IGSF5: variants seen among roughly 807,000 people sequenced by gnomAD.
IGSF5 encodes immunoglobulin superfamily 5 like.
A neutral mutation model predicts 39.4 loss-of-function variants in IGSF5; 41 were observed. That is an observed-to-expected ratio of 1.04 (90% CI 0.81 to 1.35). The LOEUF is 1.35. Ranked by LOEUF, IGSF5 falls within the 40% of genes most tolerant of loss-of-function variation. The pLI, the probability that IGSF5 is intolerant of heterozygous loss-of-function variation, is 0.00. For synonymous variants in IGSF5, 183 were observed against 175.3 expected (o/e 1.04, Z -0.34); for missense variants, 487 against 494.6 (o/e 0.98, Z 0.15).
the IGSF5 span, among the ~76,000 whole-genome samples, chr21:39,711,953 T>C: frequency 5.3e-5 from 8 of 152,256 alleles, no homozygotes; most frequent in African/African-American, 1.7e-4. Flanking sequence ...CAGCTTAATG[T>C]GTAATGAGAC....
chr21:39,779,443 CACACTGTTGGTGGGATGT>C, intron 5 of IGSF5, 138 bp downstream of exon 5: 2 of 1,137,494 alleles, frequency 1.8e-6, no homozygotes, highest in Non-Finnish European at 2.5e-6. Context: ...ACTGTGGTTG[CACACTGTTGGTGGGATGT>C]AAATTGTTAC....
intron 5 of IGSF5, among the ~76,000 whole-genome samples, chr21:39,786,791 A>G (rs1335044880): frequency 1.3e-5 from 2 of 152,240 alleles, no homozygotes; most frequent in Non-Finnish European, 2.9e-5. Context: ...AAAAATGGTG[A>G]GTTCATGTCC....
At chr21:39,722,796 C>T in the IGSF5 span, among the ~76,000 whole-genome samples, 1 of 152,120 alleles carries the variant, frequency 6.6e-6, no homozygotes, top group South Asian at 2.1e-4. Flanking sequence ...ATTTACTTGT[C>T]TGTTTTCTCT....
intron 3 of IGSF5, among the ~76,000 whole-genome samples, chr21:39,768,159 C>A (rs774807352): frequency 6.6e-6 from 1 of 152,156 alleles, no homozygotes; most frequent in Admixed American, 6.5e-5. Context: ...CAAGATATTG[C>A]GAGAGGAACC....
the IGSF5 span, among the ~76,000 whole-genome samples, chr21:39,733,360 A>G: frequency 6.6e-6 from 1 of 152,144 alleles, no homozygotes; most frequent in Non-Finnish European, 1.5e-5. Flanking sequence ...AGGATATAAA[A>G]TTATATATAC....
chr21:39,737,658 A>G, the IGSF5 span, among the ~76,000 whole-genome samples: 4 of 152,212 alleles, frequency 2.6e-5, no homozygotes. Context: ...AGGGGGGCGG[A>G]GCTTCCATGC....
At chr21:39,762,196 C>T (rs188482078) in intron 2 of IGSF5, among the ~76,000 whole-genome samples, 2 of 152,256 alleles carry the variant, frequency 1.3e-5, no homozygotes, top group South Asian at 2.1e-4. Flanking sequence ...AGTCAAACTT[C>T]GTAAAGTGTT....
At chr21:39,755,949 C>CAAAA (rs10624442) in intron 2 of IGSF5, among the ~76,000 whole-genome samples, 116,110 of 149,792 alleles carry the variant, frequency 0.78, 45,591 homozygotes, top group Admixed American at 0.84. Context: ...ACTAAAAATA[C>CAAAA]AAAAAAAATT....
intron 4 of IGSF5, 87 bp from the exon 5 acceptor site, chr21:39,779,003 A>C (rs1316374304): frequency 6.7e-6 from 10 of 1,488,742 alleles, no homozygotes; most frequent in Non-Finnish European, 8.2e-6. Flanking sequence ...TAATATTACT[A>C]GAAAACATAA....
At chr21:39,780,564 T>C (rs951644072) in intron 5 of IGSF5, among the ~76,000 whole-genome samples, 11 of 152,168 alleles carry the variant, frequency 7.2e-5, no homozygotes, top group South Asian at 2.1e-4. Flanking sequence ...CCTTTGTAGG[T>C]GAATGTTAAT....
chr21:39,789,337 A>T (rs534752378), intron 6 of IGSF5, among the ~76,000 whole-genome samples: 4 of 152,334 alleles, frequency 2.6e-5, no homozygotes, highest in East Asian at 3.9e-4. Context: ...GTATATCTTG[A>T]GTGCCTGATG....
intron 3 of IGSF5, among the ~76,000 whole-genome samples, chr21:39,769,049 G>T (rs2080100684): frequency 6.6e-6 from 1 of 152,198 alleles, no homozygotes; most frequent in Non-Finnish European, 1.5e-5. Flanking sequence ...GAATTTTCCA[G>T]ATGACTGAAG....
At chr21:39,728,945 G>A in the IGSF5 span, among the ~76,000 whole-genome samples, 35 of 152,226 alleles carry the variant, frequency 2.3e-4, no homozygotes, top group Admixed American at 5.2e-4. Flanking sequence ...TGCACTATTT[G>A]TGACCCCAAA....
intron 4 of IGSF5, among the ~76,000 whole-genome samples, chr21:39,772,205 T>C (rs1374380603): frequency 6.6e-6 from 1 of 152,224 alleles, no homozygotes; most frequent in African/African-American, 2.4e-5. Context: ...TTGCTGTTAT[T>C]CCTATTGTAA....
the IGSF5 span, among the ~76,000 whole-genome samples, chr21:39,733,472 T>C: frequency 6.6e-6 from 1 of 152,246 alleles, no homozygotes; most frequent in Non-Finnish European, 1.5e-5. Context: ...ATAATAGTTC[T>C]TTAAATAATT....
At chr21:39,775,552 A>G (rs556833247) in intron 4 of IGSF5, among the ~76,000 whole-genome samples, 14 of 152,316 alleles carry the variant, frequency 9.2e-5, no homozygotes, top group African/African-American at 3.4e-4. Flanking sequence ...CATCTGGGAA[A>G]TGCTATTTTC....
At position 39,745,417 on chromosome 21, in the gene IGSF5, C is replaced by T; in HGVS notation, c.-93C>T. On this transcript the variant is annotated 5_prime_UTR_variant, in exon 1 of 9. Transcript: ENST00000380588. ...GAAATGAAAGTCTGAACCATTAGTA[C>T]CTAGGAGGCAGGGATCAGAGGAAGT... 1 of 685,976 alleles carries T rather than the reference C, an allele frequency of 1.5e-6. No individual in the cohort carries two copies. Among genetic ancestry groups the T allele is most frequent in the South Asian group, 1.5e-5 (1 of 64,582 alleles). 42.5% of individuals were successfully genotyped at this position (685,976 alleles called of 1,614,324 possible).
At chr21:39,785,374 C>T (rs1005144033) in intron 5 of IGSF5, among the ~76,000 whole-genome samples, 11 of 152,014 alleles carry the variant, frequency 7.2e-5, no homozygotes, top group Non-Finnish European at 1.6e-4. Flanking sequence ...TGTAGATATG[C>T]GGTGTTATTT....
intron 2 of IGSF5, among the ~76,000 whole-genome samples, chr21:39,760,710 A>G (rs2080057306): frequency 6.6e-6 from 1 of 152,078 alleles, no homozygotes; most frequent in East Asian, 1.9e-4. Context: ...AGCTGGGACT[A>G]CAAATGCATG....
Sources: allele counts gnomAD v4.1 joint callset (sites outside exome capture counted in the v4.1 genomes callset), GRCh38; gene constraint gnomAD v4.1.1; transcripts MANE v1.5; gene names NCBI Gene and HGNC (gene_info 2026-07-23, HGNC 2026-07-21).